The following EZH1 variants were observed in gnomAD, a reference collection of about 807,000 sequenced individuals.
EZH1 encodes histone-lysine N-methyltransferase EZH1.
A neutral mutation model predicts 100.5 loss-of-function variants in EZH1; 33 were observed. That is an observed-to-expected ratio of 0.33 (90% CI 0.25 to 0.44). EZH1 has a LOEUF of 0.44. Among genes scored for constraint, EZH1 ranks in the 20% least tolerant of loss-of-function variants. EZH1 has a pLI of 1.00. For missense variants in EZH1, 475 were observed against 928.4 expected (o/e 0.51, Z 6.35); for synonymous variants, 272 against 313.8 (o/e 0.87, Z 1.41).
chr17:42,743,626 C>T (rs1283106529), intron 1 of EZH1, among the ~76,000 whole-genome samples: 1 of 151,348 alleles, frequency 6.6e-6, no homozygotes, highest in African/African-American at 2.4e-5. Flanking sequence ...AAGGCCACCA[C>T]ATCTGGCTAT....
Position 42,720,464 on chromosome 17 carries a change from T to A in EZH1, c.488-15A>T. ...AGGGATCATCTCTGAAACATGAGGA[T>A]TCGAAAGATGAGCAGTGGTCACTTC... On this transcript the variant is annotated splice_polypyrimidine_tract_variant and intron_variant, in intron 6 of 20. Transcript: ENST00000428826. 6.2e-7 allele frequency: 1 copy of A among 1,600,074 alleles called. No individual in the cohort carries two copies. The highest frequency in any genetic ancestry group is 8.5e-7 in the Non-Finnish European group (1 of 1,173,898).
chr17:42,735,784 G>T (rs140187403), intron 1 of EZH1, among the ~76,000 whole-genome samples: 1 of 152,090 alleles, frequency 6.6e-6, no homozygotes, highest in African/African-American at 2.4e-5. Flanking sequence ...TCAGGAGTTC[G>T]AGACCAGCCT....
intron 3 of EZH1, 79 bp from the exon 4 acceptor site, chr17:42,727,842 C>T: frequency 9.3e-7 from 1 of 1,075,866 alleles, no homozygotes; most frequent in South Asian, 2.5e-5. Flanking sequence ...GAGATGGAGT[C>T]TTGCTCTGTT....
At position 42,718,380 on chromosome 17, in the gene EZH1, C is replaced by T. The variant is rs1040222265; in HGVS notation, c.931+74G>A. On this transcript the variant is annotated intron_variant, in intron 9 of 20. Coordinates refer to ENST00000428826, the MANE Select transcript of EZH1 (RefSeq NM_001991.5). The surrounding 1 kb of genome is among the most constrained non-coding windows in gnomAD (Gnocchi z 4.2). ...AAGCCAGGAACTCTATACGAGAAAC[C>T]AGAACAAAGAGAAGGAAATGGTGGC... 14 of 1,576,556 alleles carry T rather than the reference C, an allele frequency of 8.9e-6. No individual in the cohort carries two copies. The African/African-American group carries it at 1.8e-4, about 20-fold the overall frequency.
chr17:42,730,634 C>G (rs1475769769), intron 2 of EZH1, among the ~76,000 whole-genome samples, 194 bp downstream of exon 2: 1 of 149,852 alleles, frequency 6.7e-6, no homozygotes, highest in Admixed American at 6.7e-5. Flanking sequence ...GTAGCTGGGA[C>G]TACAGGCGCC....
intron 1 of EZH1, among the ~76,000 whole-genome samples, chr17:42,738,035 G>A (rs996474504): frequency 6.6e-6 from 1 of 151,980 alleles, no homozygotes; most frequent in Non-Finnish European, 1.5e-5. Context: ...AATTAGCTGG[G>A]CATGGTGGCG....
At chr17:42,715,670 G>T (rs1271196302) in intron 10 of EZH1, among the ~76,000 whole-genome samples, 4 of 152,170 alleles carry the variant, frequency 2.6e-5, no homozygotes, top group Non-Finnish European at 5.9e-5. Flanking sequence ...AATCCAGGAT[G>T]TGGGTCATCC....
intron 10 of EZH1, among the ~76,000 whole-genome samples, chr17:42,715,164 G>T: frequency 7.4e-6 from 1 of 135,038 alleles, no homozygotes; most frequent in African/African-American, 2.8e-5. Context: ...TAGATTATAT[G>T]TATTTATATA....
rs1450933661 is a variant in EZH1, at chr17:42,718,633, G to A, written c.768-16C>T. The A allele has an allele frequency of 1.2e-6, 2 of 1,613,668 alleles. No homozygotes were observed. The highest frequency in any genetic ancestry group is 1.7e-6 in the Non-Finnish European group (2 of 1,179,704). On this transcript the variant is annotated splice_polypyrimidine_tract_variant and intron_variant, in intron 8 of 20. Coordinates refer to ENST00000428826, the MANE Select transcript of EZH1 (RefSeq NM_001991.5). This position sits in a 1 kb window ranked among gnomAD's most constrained non-coding sequence, Gnocchi z 4.2. The stretch of plus-strand genomic sequence containing the variant: ...TTCTCGATACCTATTTAAGAAAAGA[G>A]AGATAAGAGTTCCTCCGAGGAACTG...
chr17:42,742,989 C>A (rs1168482315), intron 1 of EZH1, among the ~76,000 whole-genome samples: 2 of 151,986 alleles, frequency 1.3e-5, no homozygotes, highest in Non-Finnish European at 2.9e-5. Flanking sequence ...CGTGCCTCAA[C>A]CCCCTGAATA....
At chr17:42,710,315 G>T (rs896922433) in intron 12 of EZH1, among the ~76,000 whole-genome samples, 1 of 152,142 alleles carries the variant, frequency 6.6e-6, no homozygotes, top group African/African-American at 2.4e-5. Context: ...GACAGGACAG[G>T]ACAGGAATGG....
chr17:42,744,843 A>C, intron 1 of EZH1, among the ~76,000 whole-genome samples, 168 bp downstream of exon 1: 2 of 134,212 alleles, frequency 1.5e-5, no homozygotes, highest in East Asian at 2.3e-4. Context: ...CCATTCCCCC[A>C]CCCTCGGAAT....
intron 1 of EZH1, among the ~76,000 whole-genome samples, chr17:42,740,243 C>CTT (rs146009996): frequency 7.2e-6 from 1 of 138,640 alleles, no homozygotes; most frequent in Non-Finnish European, 1.6e-5. Flanking sequence ...GAGACAAGAT[C>CTT]TTTTTTTTTT....
intron 1 of EZH1, among the ~76,000 whole-genome samples, chr17:42,744,448 G>A (rs1168823873): frequency 6.6e-6 from 1 of 152,176 alleles, no homozygotes; most frequent in East Asian, 1.9e-4. Context: ...ACGTGAGGAG[G>A]CGCTCACTGC....
chr17:42,740,976 C>A (rs1440298974), intron 1 of EZH1, among the ~76,000 whole-genome samples: 3 of 152,298 alleles, frequency 2.0e-5, no homozygotes, highest in African/African-American at 7.2e-5. Flanking sequence ...ACAGTTTGGA[C>A]ATAAAACAAA....
chr17:42,743,423 A>C (rs1597876021), intron 1 of EZH1, among the ~76,000 whole-genome samples: 1 of 142,366 alleles, frequency 7.0e-6, no homozygotes, highest in Admixed American at 7.0e-5. Flanking sequence ...GGTCCACCTC[A>C]GCCTCCCAAA....
At chr17:42,723,661 T>C (rs1464094049) in intron 5 of EZH1, among the ~76,000 whole-genome samples, 1 of 152,166 alleles carries the variant, frequency 6.6e-6, no homozygotes, top group African/African-American at 2.4e-5. Flanking sequence ...CAGCAGAGAA[T>C]ATAGTCATTC....
At chr17:42,738,863 G>T (rs868860453) in intron 1 of EZH1, among the ~76,000 whole-genome samples, 1 of 150,358 alleles carries the variant, frequency 6.7e-6, no homozygotes, top group Non-Finnish European at 1.5e-5. Flanking sequence ...GGGTTCAAGC[G>T]ATTCTCTTGC....
intron 10 of EZH1, among the ~76,000 whole-genome samples, chr17:42,715,505 C>T (rs986155494): frequency 1.3e-5 from 2 of 151,770 alleles, no homozygotes; most frequent in Non-Finnish European, 2.9e-5. Flanking sequence ...CTTCAGCCCC[C>T]CAAATTGCTG....
Sources: gnomAD v4.1 joint callset for allele counts (sites outside exome capture counted in the v4.1 genomes callset) on GRCh38, gnomAD v4.1.1 for gene constraint, Gnocchi (gnomAD v3.1) non-coding constraint, MANE v1.5 for transcripts, NCBI Gene and HGNC (gene_info 2026-07-23, HGNC 2026-07-21) for gene names.